Variants in RILPL1 observed in about 807,000 individuals in gnomAD.
RILPL1 encodes RILP-like protein 1.
In RILPL1, 33 loss-of-function variants were observed where a neutral mutation model predicts 50.3. The ratio of observed to expected loss-of-function variants is 0.66; its 90% CI spans 0.50 to 0.88. RILPL1 has a LOEUF of 0.88. Ranked by LOEUF, RILPL1 falls within the 40% of genes least tolerant of loss-of-function variation. The pLI, the probability that RILPL1 is intolerant of heterozygous loss-of-function variation, is 0.00. For missense variants in RILPL1, 418 were observed against 542.5 expected (o/e 0.77, Z 2.28); for synonymous variants, 205 against 228.6 (o/e 0.90, Z 0.93).
At chr12:123,531,514 A>G (rs1885444238) in intron 1 of RILPL1, among the ~76,000 whole-genome samples, 1 of 151,852 alleles carries the variant, frequency 6.6e-6, no homozygotes, top group Non-Finnish European at 1.5e-5. Context: ...TGCCTCCTTG[A>G]CCCTCTATGA....
chr12:123,524,153 C>T (rs1467712574), intron 1 of RILPL1, among the ~76,000 whole-genome samples: 1 of 152,208 alleles, frequency 6.6e-6, no homozygotes, highest in East Asian at 1.9e-4. Context: ...ACCACTGACT[C>T]GATCACCCTG....
chr12:123,486,790 C>T (rs555193510), intron 4 of RILPL1, among the ~76,000 whole-genome samples: 8 of 151,518 alleles, frequency 5.3e-5, no homozygotes, highest in Admixed American at 4.6e-4. Context: ...CAGGTGTGTA[C>T]CGCCACACCC....
chr12:123,503,048 C>T (rs191614561), intron 2 of RILPL1, among the ~76,000 whole-genome samples: 12 of 151,520 alleles, frequency 7.9e-5, no homozygotes, highest in Middle Eastern at 3.5e-3. Context: ...CCACCACGCT[C>T]GGCTAATTTT....
At position 123,485,882 on chromosome 12, in the gene RILPL1, A is replaced by C. The variant is rs1275062474; in HGVS notation, c.802-77T>G. 1 of 1,431,450 alleles carries C rather than the reference A, an allele frequency of 7.0e-7. No homozygotes were observed. Among genetic ancestry groups the C allele is most frequent in the Non-Finnish European group, 9.3e-7 (1 of 1,080,248 alleles). The allele number at this position is 1,431,450 out of a possible 1,614,324, so 88.7% of individuals were successfully genotyped here. ...CCCACTCTCTATCCTGAAGGAGCCC[A>C]AATTCTCCCCCTCCCGGGGTGCCAG... On this transcript the variant is annotated intron_variant, in intron 4 of 6. Transcript: ENST00000376874. This position sits in a 1 kb window ranked among gnomAD's most constrained non-coding sequence, Gnocchi z 4.0.
At chr12:123,475,896 AATTT>A in intron 6 of RILPL1, 8 of 504,952 alleles carry the variant, frequency 1.6e-5, no homozygotes, top group Non-Finnish European at 1.7e-5. Flanking sequence ...ATTCACTTAA[AATTT>A]TTTTTTTTTT....
chr12:123,518,781 G>A (rs746939318), intron 2 of RILPL1, among the ~76,000 whole-genome samples: 8 of 151,844 alleles, frequency 5.3e-5, no homozygotes, highest in Non-Finnish European at 1.0e-4. Context: ...TCATCTGGCC[G>A]GGCGCGGTGG....
At chr12:123,515,141 A>G (rs1884615014) in intron 2 of RILPL1, 1 of 151,994 alleles carries the variant, frequency 6.6e-6, no homozygotes, top group Non-Finnish European at 1.5e-5. Context: ...TATGTTGTCC[A>G]GACTGGTCCC....
rs995130618 is a variant in RILPL1 at position 123,533,651 on chromosome 12, C to T, written c.-169G>A. ...CGGGCGGCGGGCGCGGGCGCGGGCA[C>T]GGGCGGCGGCGCGGGGTGTGCGGGC... On this transcript the variant is annotated 5_prime_UTR_variant, in exon 1 of 7. It adds an upstream start codon to the 5' untranslated region. Coordinates refer to ENST00000376874, the MANE Select transcript of RILPL1 (RefSeq NM_178314.5). This position sits in a 1 kb window ranked among gnomAD's most constrained non-coding sequence, Gnocchi z 6.2. 8.2e-6 allele frequency: 2 copies of T among 243,384 alleles called. No homozygotes were observed. Among genetic ancestry groups the T allele is most frequent in the South Asian group, 2.7e-4 (2 of 7,302 alleles). The allele number at this position is 243,384 out of a possible 1,614,324, so 15.1% of individuals were successfully genotyped here.
intron 2 of RILPL1, among the ~76,000 whole-genome samples, chr12:123,501,549 C>G (rs1023232077): frequency 1.3e-5 from 2 of 152,070 alleles, no homozygotes; most frequent in African/African-American, 4.8e-5. Flanking sequence ...ATCACAAGGT[C>G]AAGAGATCGA....
intron 2 of RILPL1, among the ~76,000 whole-genome samples, chr12:123,500,284 T>C (rs1473464554): frequency 4.9e-5 from 7 of 142,132 alleles, no homozygotes; most frequent in African/African-American, 7.8e-5. Flanking sequence ...CTTTCTTTTT[T>C]TTTTTTTTTT....
rs745408221 is a variant in RILPL1, at chr12:123,511,530, GTGTGTGAGGTC to G, written c.460+11954_460+11964del. 7.5e-3 allele frequency among the ~76,000 whole-genome samples: 1,040 copies of G among 138,928 alleles called. 3 individuals carry two copies. Among genetic ancestry groups the G allele is most frequent in the African/African-American group, 0.013 (476 of 37,512 alleles). The allele number at this position is 138,928 out of a possible 152,430, so 91.1% of individuals were successfully genotyped here. A position where few individuals can be genotyped will look rare whatever the true frequency, so the allele number is the denominator to read the frequency against. ...GGTGTGTCTGAGGTCTGTGTGTGGT[GTGTGTGAGGTC>G]TGTGTGAGGTCTGTGTGTGTGGTAT... On this transcript the variant is annotated intron_variant, in intron 2 of 6. Transcript: ENST00000376874.
chr12:123,497,008 C>T, intron 4 of RILPL1, among the ~76,000 whole-genome samples: 1 of 152,256 alleles, frequency 6.6e-6, no homozygotes, highest in South Asian at 2.1e-4. Flanking sequence ...ATGGATTTGC[C>T]TGTTCTGGGA....
chr12:123,507,954 A>AG (rs1883857822), intron 2 of RILPL1, among the ~76,000 whole-genome samples: 2 of 806 alleles, frequency 2.5e-3, no homozygotes, highest in African/African-American at 2.5e-3. Flanking sequence ...AAAAAAAAAG[A>AG]AAAAAAAAAA....
intron 6 of RILPL1, chr12:123,473,516 AAAAAT>A (rs1217148668): frequency 6.6e-6 from 1 of 152,138 alleles, no homozygotes; most frequent in East Asian, 1.9e-4. Flanking sequence ...CTCTGTCTAA[AAAAAT>A]AAAATAAATA....
intron 1 of RILPL1, among the ~76,000 whole-genome samples, chr12:123,524,890 G>A (rs976133960): frequency 2.1e-5 from 3 of 142,544 alleles, no homozygotes; most frequent in Admixed American, 7.1e-5. Context: ...CCCAGCACTT[G>A]GGAGGCCAAG....
At chr12:123,486,599 G>T (rs1166132670) in intron 4 of RILPL1, among the ~76,000 whole-genome samples, 2 of 152,138 alleles carry the variant, frequency 1.3e-5, no homozygotes, top group Non-Finnish European at 2.9e-5. Flanking sequence ...CCTCTGTCCA[G>T]TTCTAGAACA....
intron 1 of RILPL1, among the ~76,000 whole-genome samples, chr12:123,529,573 A>C (rs1459031460): frequency 7.9e-6 from 1 of 126,532 alleles, no homozygotes; most frequent in African/African-American, 2.7e-5. Flanking sequence ...CACTGTGCCC[A>C]GCCTGAATTT....
chr12:123,483,927 G>C (rs571902354), intron 6 of RILPL1, among the ~76,000 whole-genome samples: 2 of 152,216 alleles, frequency 1.3e-5, no homozygotes, highest in South Asian at 2.1e-4. Flanking sequence ...AAGCTCCTGA[G>C]TATCAGCCAC....
In RILPL1 at chr12:123,533,085, C is replaced by T; in HGVS notation, c.309+89G>A. 2 of 1,310,490 alleles carry T rather than the reference C, an allele frequency of 1.5e-6. No homozygotes were observed. Among genetic ancestry groups the T allele is most frequent in the African/African-American group, 1.5e-5 (1 of 68,366 alleles). 81.2% of individuals were successfully genotyped at this position (1,310,490 alleles called of 1,614,324 possible). On this transcript the variant is annotated intron_variant, in intron 1 of 6. Transcript: ENST00000376874. The surrounding 1 kb of genome is among the most constrained non-coding windows in gnomAD (Gnocchi z 6.2). ...CTGGTCCGGTCCCTGAACACACACA[C>T]GTGCGCACCCACAGCTGCCCAATGC...
Sources: gnomAD v4.1 joint callset for allele counts (sites outside exome capture counted in the v4.1 genomes callset) on GRCh38, gnomAD v4.1.1 for gene constraint, Gnocchi (gnomAD v3.1) non-coding constraint, MANE v1.5 for transcripts, NCBI Gene and HGNC (gene_info 2026-07-23, HGNC 2026-07-21) for gene names.